The following SCFD1 variants were observed in gnomAD, a reference collection of about 807,000 sequenced individuals.
SCFD1 encodes sec1 family domain-containing protein 1.
SCFD1 carries 37 observed loss-of-function variants against 103.2 expected under a neutral mutation model. That is an observed-to-expected ratio of 0.36 (90% CI 0.28 to 0.47). The LOEUF (loss-of-function observed/expected upper bound fraction) is 0.47. SCFD1 is among the 20% of genes least tolerant of loss of function. The pLI is 1.00. For missense variants in SCFD1, 639 were observed against 761.2 expected (o/e 0.84, Z 1.89); for synonymous variants, 264 against 245.0 (o/e 1.08, Z -0.73).
chr14:30,681,467 G>A (rs1293640370), intron 14 of SCFD1, among the ~76,000 whole-genome samples: 2 of 151,532 alleles, frequency 1.3e-5, no homozygotes, highest in Non-Finnish European at 2.9e-5. Context: ...AATATTTTTA[G>A]CATAAGTCAA....
At chr14:30,730,254 A>C (rs567995233) in intron 23 of SCFD1, among the ~76,000 whole-genome samples, 8 of 152,232 alleles carry the variant, frequency 5.3e-5, no homozygotes, top group Admixed American at 3.3e-4. Flanking sequence ...AATCCAGTCT[A>C]TCATTGATGG....
chr14:30,666,667 A>C (rs1316661540), intron 10 of SCFD1, among the ~76,000 whole-genome samples: 1 of 152,176 alleles, frequency 6.6e-6, no homozygotes, highest in African/African-American at 2.4e-5. Flanking sequence ...AGACTAATAA[A>C]GAAGAAAAGA....
In SCFD1 at chr14:30,641,934, G is replaced by A. The variant is rs376690117; in HGVS notation, c.524-1382G>A. ...AATCTTTCAACATATAGTTATTGAT[G>A]TACTTCATCAGACACTGGGCCTTGA... On this transcript the variant is annotated intron_variant, in intron 6 of 24. Coordinates refer to ENST00000458591, the MANE Select transcript of SCFD1 (RefSeq NM_016106.4). Among the ~76,000 whole-genome samples, 5 of 152,168 alleles carry A rather than the reference G, an allele frequency of 3.3e-5. No individual in the cohort carries two copies. In the East Asian group the frequency reaches 5.8e-4, roughly 18 times the overall value.
chr14:30,637,431 G>C lies in SCFD1; in HGVS notation c.313-694G>C, dbSNP rs182923537. Among the ~76,000 whole-genome samples, 29 of 152,026 alleles carry C rather than the reference G, an allele frequency of 1.9e-4. No individual in the cohort carries two copies. In the South Asian group the frequency reaches 2.1e-3, roughly 11 times the overall value. On this transcript the variant is annotated intron_variant, in intron 4 of 24. Coordinates refer to ENST00000458591, the MANE Select transcript of SCFD1 (RefSeq NM_016106.4). ...TACCCTGATCACCTTCCTCACAAAG[G>C]CTCCAACCCCTCAATGTTTCACATT...
intron 14 of SCFD1, among the ~76,000 whole-genome samples, chr14:30,681,468 C>T (rs1173357396): frequency 6.6e-6 from 1 of 151,700 alleles, no homozygotes; most frequent in Non-Finnish European, 1.5e-5. Flanking sequence ...ATATTTTTAG[C>T]ATAAGTCAAT....
At chr14:30,726,185 G>A (rs1893031629) in intron 23 of SCFD1, among the ~76,000 whole-genome samples, 1 of 151,244 alleles carries the variant, frequency 6.6e-6, no homozygotes, top group Admixed American at 6.6e-5. Flanking sequence ...AGTTACTGAA[G>A]TAGATTATAA....
intron 10 of SCFD1, among the ~76,000 whole-genome samples, chr14:30,657,442 G>A (rs57811728): frequency 0.035 from 5,278 of 152,126 alleles, 122 homozygotes; most frequent in Middle Eastern, 0.061. Context: ...TTTTTATACT[G>A]GCCTTTATAC....
rs1345682555 is a variant in SCFD1 at position 30,674,000 on chromosome 14, A to G, written c.1160+3A>G. 6.2e-7 allele frequency: 1 copy of G among 1,609,768 alleles called. No homozygotes were observed. ...GCTAAGCTAACATCAGCTGTTAGGT[A>G]AGTGAGCAGTATATCCTCTTTGAAG... On this transcript the variant is annotated splice_donor_region_variant and intron_variant, in intron 13 of 24. Coordinates refer to ENST00000458591, the MANE Select transcript of SCFD1 (RefSeq NM_016106.4).
At chr14:30,674,643 C>CA (rs57184068) in intron 13 of SCFD1, among the ~76,000 whole-genome samples, 12,438 of 149,478 alleles carry the variant, frequency 0.083, 848 homozygotes, top group African/African-American at 0.18. Context: ...GACTCTGTCT[C>CA]AAAAAAAAGA....
chr14:30,660,713 CAATA>C (rs1380684761), intron 10 of SCFD1, among the ~76,000 whole-genome samples: 3 of 152,030 alleles, frequency 2.0e-5, no homozygotes, highest in African/African-American at 7.2e-5. Context: ...CAGAGACAAT[CAATA>C]AAGTCATTTG....
intron 21 of SCFD1, among the ~76,000 whole-genome samples, chr14:30,720,027 A>G (rs2139405968): frequency 6.6e-6 from 1 of 152,192 alleles, no homozygotes; most frequent in East Asian, 1.9e-4. Context: ...ACTCAGATGA[A>G]GCTAGTGAAG....
chr14:30,665,750 A>C (rs973604307), intron 10 of SCFD1, among the ~76,000 whole-genome samples: 6 of 151,848 alleles, frequency 4.0e-5, no homozygotes, highest in East Asian at 3.9e-4. Flanking sequence ...ATCCTAGTCT[A>C]TGATAAAAGA....
At chr14:30,728,854 T>C (rs1232869968) in intron 23 of SCFD1, among the ~76,000 whole-genome samples, 19 of 146,086 alleles carry the variant, frequency 1.3e-4, no homozygotes, top group African/African-American at 3.4e-4. Context: ...TTTTTTTTTT[T>C]TTCCCCCCGA....
At chr14:30,660,620 CTT>C (rs35522948) in intron 10 of SCFD1, among the ~76,000 whole-genome samples, 3 of 147,888 alleles carry the variant, frequency 2.0e-5, no homozygotes, top group Non-Finnish European at 3.0e-5. Context: ...ATATAAATAA[CTT>C]TTTTTTTTTA....
chr14:30,649,498 G>A (rs1293731863), intron 7 of SCFD1, 30 bp from the exon 8 acceptor site: 16 of 1,473,044 alleles, frequency 1.1e-5, no homozygotes, highest in Admixed American at 1.9e-5. Context: ...TAAGAGCCAA[G>A]ATCATTTCTA....
intron 10 of SCFD1, among the ~76,000 whole-genome samples, chr14:30,666,524 A>G (rs1339343598): frequency 6.6e-6 from 1 of 152,170 alleles, no homozygotes; most frequent in Non-Finnish European, 1.5e-5. Flanking sequence ...TTCAAAAGCT[A>G]GCGGAAGGCA....
chr14:30,643,528 GTAAAA>G (rs1168355765), intron 7 of SCFD1, 123 bp downstream of exon 7: 44 of 684,268 alleles, frequency 6.4e-5, no homozygotes, highest in Non-Finnish European at 9.5e-5. Context: ...CTCGAGTGGA[GTAAAA>G]TATATATTCA....
chr14:30,627,042 C>T (rs1249309874), intron 1 of SCFD1, among the ~76,000 whole-genome samples: 1 of 152,154 alleles, frequency 6.6e-6, no homozygotes, highest in Admixed American at 6.5e-5. Flanking sequence ...ATGTTTTTAA[C>T]AATCAACCAA....
intron 10 of SCFD1, among the ~76,000 whole-genome samples, chr14:30,654,945 G>A (rs17097024): frequency 0.027 from 4,102 of 152,268 alleles, 237 homozygotes; most frequent in Admixed American, 0.15. Context: ...AGGAGGTCAA[G>A]TAAGAGGTGG....
Sources: gnomAD v4.1 joint callset for allele counts (sites outside exome capture counted in the v4.1 genomes callset) on GRCh38, gnomAD v4.1.1 for gene constraint, MANE v1.5 for transcripts, NCBI Gene and HGNC (gene_info 2026-07-23, HGNC 2026-07-21) for gene names.